C1QTNF7: variants seen among roughly 807,000 people sequenced by gnomAD.
The protein encoded by C1QTNF7 is complement C1q tumor necrosis factor-related protein 7.
Under a neutral mutation model 19.6 loss-of-function variants are expected in C1QTNF7, and 15 were observed. The ratio of observed to expected loss-of-function variants is 0.76; its 90% CI spans 0.51 to 1.18. The LOEUF (loss-of-function observed/expected upper bound fraction) is 1.18, where lower values mean the gene tolerates loss of function less well. Among genes scored for constraint, C1QTNF7 ranks in the 50% most tolerant of loss-of-function variants. The pLI, the probability that C1QTNF7 is intolerant of heterozygous loss-of-function variation, is 0.00. For synonymous variants in C1QTNF7, 142 were observed against 137.5 expected (o/e 1.03, Z -0.23); for missense variants, 324 against 359.7 (o/e 0.90, Z 0.80).
intron 1 of C1QTNF7, among the ~76,000 whole-genome samples, chr4:15,397,340 G>A (rs906144345): frequency 7.2e-5 from 11 of 152,176 alleles, no homozygotes; most frequent in African/African-American, 1.9e-4. Context: ...AAGACCTCTC[G>A]GAGACTGTTC....
chr4:15,380,818 C>T (rs888768986), intron 1 of C1QTNF7, among the ~76,000 whole-genome samples: 2 of 152,028 alleles, frequency 1.3e-5, no homozygotes, highest in East Asian at 3.9e-4. Context: ...ACCTCTAATC[C>T]CAGCTACTGG....
At chr4:15,350,663 G>A (rs1716904532) in intron 1 of C1QTNF7, among the ~76,000 whole-genome samples, 1 of 152,126 alleles carries the variant, frequency 6.6e-6, no homozygotes, top group African/African-American at 2.4e-5. Flanking sequence ...GACTAAGACT[G>A]CCATTGCTAT....
chr4:15,385,959 A>T (rs1168602072), intron 1 of C1QTNF7, among the ~76,000 whole-genome samples: 1 of 152,248 alleles, frequency 6.6e-6, no homozygotes, highest in East Asian at 1.9e-4. Context: ...TAATTTCACT[A>T]AGGACAGTTC....
chr4:15,385,294 A>G (rs1287781486), intron 1 of C1QTNF7, among the ~76,000 whole-genome samples: 1 of 152,208 alleles, frequency 6.6e-6, no homozygotes, highest in Non-Finnish European at 1.5e-5. Context: ...ACAAAGACGT[A>G]CATGTCAGAA....
intron 1 of C1QTNF7, among the ~76,000 whole-genome samples, chr4:15,409,278 A>G (rs1444325737): frequency 6.6e-6 from 1 of 152,250 alleles, no homozygotes; most frequent in African/African-American, 2.4e-5. Flanking sequence ...ACATCACTGT[A>G]TCATGGTAGT....
intron 1 of C1QTNF7, among the ~76,000 whole-genome samples, chr4:15,371,775 C>G (rs1717738120): frequency 1.3e-5 from 2 of 152,058 alleles, no homozygotes; most frequent in South Asian, 4.2e-4. Flanking sequence ...ATGAAGGGGG[C>G]TGGGAGGGAT....
At chr4:15,340,328 A>G (rs1295752694) in intron 1 of C1QTNF7, 1 of 1,208,618 alleles carries the variant, frequency 8.3e-7, no homozygotes, top group Non-Finnish European at 1.2e-6. Flanking sequence ...TTGTAAAAAT[A>G]TGTCAACAAA....
At chr4:15,379,274 T>C (rs1352715871) in intron 1 of C1QTNF7, among the ~76,000 whole-genome samples, 1 of 152,216 alleles carries the variant, frequency 6.6e-6, no homozygotes, top group Admixed American at 6.5e-5. Context: ...AAGAAAGTTA[T>C]GGAGCAATTC....
chr4:15,442,579 G>T lies in C1QTNF7; in HGVS notation c.650G>T (p.Arg217Leu). 6.2e-7 allele frequency: 1 copy of T among 1,614,166 alleles called. No homozygotes were observed. ...GGACTGGTACACAATGGGCAATACC[G>T]GATAAAGACCTTCGACGCCAACACA... Reference protein sequence around the residue: ...AIGLVHNGQYRIKTFDANTGN... With the variant: ...AIGLVHNGQYLIKTFDANTGN... The change falls in exon 3 of 3, where the codon CGG becomes CTG. Residue 217 changes from arginine to leucine, a missense_variant. Coordinates refer to ENST00000444304, the MANE Select transcript of C1QTNF7 (RefSeq NM_031911.5).
intron 1 of C1QTNF7, among the ~76,000 whole-genome samples, chr4:15,360,993 A>G (rs1717324874): frequency 6.6e-6 from 1 of 152,180 alleles, no homozygotes; most frequent in Non-Finnish European, 1.5e-5. Flanking sequence ...GATTGAATTT[A>G]AGGATTTTCT....
chr4:15,368,984 A>G (rs1192559971), intron 1 of C1QTNF7, among the ~76,000 whole-genome samples: 1 of 152,210 alleles, frequency 6.6e-6, no homozygotes, highest in African/African-American at 2.4e-5. Flanking sequence ...TGTCTTGGAG[A>G]AAATGATGTA....
intron 1 of C1QTNF7, among the ~76,000 whole-genome samples, chr4:15,408,146 G>A (rs1397261313): frequency 6.6e-6 from 1 of 151,590 alleles, no homozygotes; most frequent in Non-Finnish European, 1.5e-5. Flanking sequence ...GGTGGCGCAC[G>A]CCTGTAGTCC....
chr4:15,384,672 A>G (rs999819295), intron 1 of C1QTNF7, among the ~76,000 whole-genome samples: 3 of 152,246 alleles, frequency 2.0e-5, no homozygotes, highest in African/African-American at 4.8e-5. Flanking sequence ...AATCTAAACC[A>G]TAGACCATTT....
intron 1 of C1QTNF7, among the ~76,000 whole-genome samples, chr4:15,398,113 C>A (rs957041021): frequency 5.3e-5 from 8 of 152,178 alleles, no homozygotes; most frequent in African/African-American, 1.9e-4. Flanking sequence ...CCAACAATTT[C>A]TTCAGTGCCA....
Position 15,442,967 on chromosome 4 carries a change from A to G in C1QTNF7, c.*168A>G. 1 of 604,316 alleles carries G rather than the reference A, an allele frequency of 1.7e-6. No individual in the cohort carries two copies. Among genetic ancestry groups the G allele is most frequent in the Non-Finnish European group, 2.6e-6 (1 of 377,910 alleles). The allele number at this position is 604,316 out of a possible 1,614,324, so 37.4% of individuals were successfully genotyped here. A position where few individuals can be genotyped will look rare whatever the true frequency, so the allele number is the denominator to read the frequency against. On this transcript the variant is annotated 3_prime_UTR_variant, in exon 3 of 3. Coordinates refer to ENST00000444304, the MANE Select transcript of C1QTNF7 (RefSeq NM_031911.5). ...GATGAAACACAGAAAAGTTGAAACC[A>G]CAACAAAATGAATTCTATTAAAGAA...
chr4:15,434,972 A>G (rs932115022), intron 1 of C1QTNF7, among the ~76,000 whole-genome samples: 2 of 152,208 alleles, frequency 1.3e-5, no homozygotes, highest in African/African-American at 4.8e-5. Context: ...ATACATGATT[A>G]CCAAGTGAAA....
At chr4:15,342,462 T>A (rs1716579789) in intron 1 of C1QTNF7, among the ~76,000 whole-genome samples, 2 of 152,212 alleles carry the variant, frequency 1.3e-5, no homozygotes, top group Admixed American at 1.3e-4. Context: ...TCTTTGAACG[T>A]GTCCTTGACA....
At chr4:15,383,057 A>G (rs778119548) in intron 1 of C1QTNF7, among the ~76,000 whole-genome samples, 8 of 152,180 alleles carry the variant, frequency 5.3e-5, no homozygotes, top group Non-Finnish European at 7.3e-5. Flanking sequence ...TCAAATGTCA[A>G]CAATCCAACG....
intron 1 of C1QTNF7, among the ~76,000 whole-genome samples, chr4:15,345,895 C>T (rs964111573): frequency 5.3e-5 from 8 of 152,148 alleles, no homozygotes; most frequent in Admixed American, 4.6e-4. Context: ...AGTAGCTCAC[C>T]TAACGTCCCA....
Sources: gnomAD v4.1 joint callset for allele counts (sites outside exome capture counted in the v4.1 genomes callset) on GRCh38, gnomAD v4.1.1 for gene constraint, MANE v1.5 for transcripts, NCBI Gene and HGNC (gene_info 2026-07-23, HGNC 2026-07-21) for gene names.